The following AHNAK variants were observed in gnomAD, a reference collection of about 807,000 sequenced individuals.
The protein encoded by AHNAK is neuroblast differentiation-associated protein AHNAK.
A neutral mutation model predicts 37.8 loss-of-function variants in AHNAK; 23 were observed. The ratio of observed to expected loss-of-function variants is 0.61; its 90% CI spans 0.44 to 0.86. The LOEUF (loss-of-function observed/expected upper bound fraction) is 0.86. Ranked by LOEUF, AHNAK falls within the 40% of genes least tolerant of loss-of-function variation. The pLI is 0.00. For synonymous variants in AHNAK, 2,481 were observed against 2,636.3 expected, an observed-to-expected ratio of 0.94 and a Z score of 1.80; for missense variants, 7,411 against 7,319.4, an observed-to-expected ratio of 1.01 and a Z score of -0.46.
chr11:62,539,146 C>G (rs949013238), intron 1 of AHNAK, among the ~76,000 whole-genome samples: 1 of 152,216 alleles, frequency 6.6e-6, no homozygotes, highest in Admixed American at 6.5e-5. Flanking sequence ...CACTCTGACC[C>G]TTCCCAGCAA....
Position 62,527,220 on chromosome 11 carries a change from C to T in AHNAK, c.7197G>A (p.Lys2399=). 1 of 1,612,916 alleles carries T rather than the reference C, an allele frequency of 6.2e-7. No homozygotes were observed. Among genetic ancestry groups the T allele is most frequent in the Non-Finnish European group, 8.5e-7 (1 of 1,179,562 alleles). The part of the protein sequence containing the change: ...PDLDLHLKSP[K]AKGEVDVDVP... ...CATCTACATCCACCTCTCCTTTTGC[C>T]TTGGGGCTCTTCAAGTGTAGATCGA... The change falls in exon 5 of 5, where the codon AAG becomes AAA. Residue 2399 remains lysine (K), a synonymous_variant. Coordinates refer to ENST00000378024, the MANE Select transcript of AHNAK (RefSeq NM_001620.3).
chr11:62,434,478 C>T (rs1169164192), intron 5 of AHNAK, among the ~76,000 whole-genome samples: 1 of 152,132 alleles, frequency 6.6e-6, no homozygotes, highest in Non-Finnish European at 1.5e-5. Flanking sequence ...ACACCCAACT[C>T]ATCCCCATCG....
In AHNAK at chr11:62,522,536, G is replaced by C; in HGVS notation, c.11881C>G (p.Leu3961Val). 1 of 1,612,802 alleles carries C rather than the reference G, an allele frequency of 6.2e-7. No homozygotes were observed. The highest frequency in any genetic ancestry group is 8.5e-7 in the Non-Finnish European group (1 of 1,179,710). The change falls in exon 5 of 5, where the codon CTT (leucine) becomes GTT (valine). Residue 3961 changes from leucine to valine, a missense_variant. By Grantham distance (32) the Leu-to-Val change is conservative (BLOSUM62 1). Transcript: ENST00000378024. The stretch of plus-strand genomic sequence containing the variant: ...TCCACCTTGGGTCCTGAGACGTCAA[G>C]GTCAGCCTTGGGCAGGTTCACATCC... The part of the protein sequence containing the change: ...EVDVNLPKAD[L>V]DVSGPKVDVD...
intron 5 of AHNAK, among the ~76,000 whole-genome samples, chr11:62,450,841 G>A (rs1438029185): frequency 6.6e-6 from 1 of 152,276 alleles, no homozygotes; most frequent in African/African-American, 2.4e-5. Flanking sequence ...AATAGGTGCT[G>A]ATGGCAGAAA....
chr11:62,518,203 T>C lies in AHNAK; in HGVS notation c.16214A>G (p.Lys5405Arg). Residue 5405 changes from lysine (K) to arginine (R), a missense_variant, in exon 5 of 5, where the codon AAA (lysine) becomes AGA (arginine). By Grantham distance (26) the Lys-to-Arg change is conservative. Transcript: ENST00000378024. ...EASEGSIKLP[K>R]MKLPQFGIST... ...GATGCCAAATTGGGGCAGCTTCATT[T>C]TGGGAAGTTTAATGCTGCCTTCGGA... is the stretch of plus-strand genomic sequence containing the variant. 1 of 1,614,074 alleles carries C rather than the reference T, an allele frequency of 6.2e-7. No individual in the cohort carries two copies. The highest frequency in any genetic ancestry group is 1.1e-5 in the South Asian group (1 of 91,070).
Position 62,521,501 on chromosome 11 carries a change from C to A in AHNAK, c.12916G>T (p.Asp4306Tyr), listed in dbSNP as rs1471084992. The A allele has an allele frequency of 6.2e-7, 1 of 1,610,530 alleles. No individual in the cohort carries two copies. Among genetic ancestry groups the A allele is most frequent in the East Asian group, 2.2e-5 (1 of 44,644 alleles). Reference protein sequence around the residue: ...PKVDIDAPDVDVHGPDWHLKM... With the variant: ...PKVDIDAPDVYVHGPDWHLKM... ...AGGTGCCAGTCTGGGCCATGAACAT[C>A]TACATCAGGGGCATCGATGTCCACT... Residue 4306 changes from aspartate to tyrosine, a missense_variant, in exon 5 of 5, where the codon GAT becomes TAT. Coordinates refer to ENST00000378024, the MANE Select transcript of AHNAK (RefSeq NM_001620.3).
chr11:62,477,981 A>G (rs1225492236), intron 5 of AHNAK, among the ~76,000 whole-genome samples: 1 of 152,028 alleles, frequency 6.6e-6, no homozygotes, highest in African/African-American at 2.4e-5. Context: ...CATTTGAGGA[A>G]GCGAAAGAAG....
chr11:62,542,827 G>A (rs555812321), intron 1 of AHNAK, among the ~76,000 whole-genome samples: 5 of 152,324 alleles, frequency 3.3e-5, no homozygotes, highest in African/African-American at 1.2e-4. Context: ...TATAGGAGAG[G>A]GGGTGGAGCA....
In AHNAK at chr11:62,526,252, T is replaced by A. The variant is rs768789576; in HGVS notation, c.8165A>T (p.Lys2722Met). Residue 2722 changes from lysine to methionine, a missense_variant, in exon 5 of 5, where the codon AAG (lysine) becomes ATG (methionine). Transcript: ENST00000378024. ...IDLNLKGPKVKGDVDVSLPKV... is the reference protein window; with the variant it reads ...IDLNLKGPKVMGDVDVSLPKV... ...AGGAAGGGAAACATCCACATCACCC[T>A]TCACTTTGGGTCCTTTCAGGTTTAA... is the stretch of plus-strand genomic sequence containing the variant. The A allele has an allele frequency of 1.2e-6, 2 of 1,613,822 alleles. No homozygotes were observed. Among genetic ancestry groups the A allele is most frequent in the East Asian group, 2.2e-5 (1 of 44,860 alleles).
At chr11:62,467,451 G>A (rs750229016) in intron 5 of AHNAK, among the ~76,000 whole-genome samples, 3 of 152,128 alleles carry the variant, frequency 2.0e-5, no homozygotes, top group Admixed American at 2.0e-4. Context: ...TTGGGAGGCC[G>A]AGGCAGACGG....
chr11:62,489,544 C>T (rs1017191198), intron 5 of AHNAK, among the ~76,000 whole-genome samples: 5 of 152,040 alleles, frequency 3.3e-5, no homozygotes, highest in Non-Finnish European at 7.4e-5. Flanking sequence ...AGTTAGGAGG[C>T]GATTGTAGCA....
rs536851663 is a variant in AHNAK at position 62,478,100 on chromosome 11, G to A, written c.442+13632C>T. ...CGCAGGACTCAGTGCTATCTTAAGA[G>A]CAGAGCCCCTGGCCTCCCATCTCCT... On this transcript the variant is annotated intron_variant, in intron 5 of 5. Coordinates refer to the AHNAK transcript ENST00000257247. 3.3e-5 allele frequency among the ~76,000 whole-genome samples: 5 copies of A among 152,284 alleles called. No homozygotes were observed. In the East Asian group the frequency reaches 7.7e-4, roughly 24 times the overall value.
chr11:62,527,587 G>A lies in AHNAK; in HGVS notation c.6830C>T (p.Pro2277Leu). 2.5e-6 allele frequency: 4 copies of A among 1,613,402 alleles called. No individual in the cohort carries two copies. The highest frequency in any genetic ancestry group is 3.4e-6 in the Non-Finnish European group (4 of 1,179,910). Residue 2277 changes from proline (P) to leucine (L), a missense_variant, in exon 5 of 5, where the codon CCC (proline) becomes CTC (leucine). Transcript: ENST00000378024. ...LPKADVDVSG[P>L]KVDVEVPDVS... ...ATCTGGGACTTCAACATCCACCTTG[G>A]GTCCTGAGACATCAACGTCAGCCTT...
chr11:62,536,376 T>G (rs1419263491), intron 2 of AHNAK, 93 bp downstream of exon 2: 3 of 352,044 alleles, frequency 8.5e-6, no homozygotes, highest in Non-Finnish European at 1.0e-5. Flanking sequence ...CCTTCATCCC[T>G]GTCCCCCACG....
At chr11:62,479,251 T>G (rs1402131436) in intron 5 of AHNAK, among the ~76,000 whole-genome samples, 1 of 137,832 alleles carries the variant, frequency 7.3e-6, no homozygotes, top group Non-Finnish European at 1.5e-5. Context: ...CACTGCAACC[T>G]CTGCCTCCCA....
In AHNAK at chr11:62,520,348, A is replaced by G; in HGVS notation, c.14069T>C (p.Val4690Ala). ...TTCGATATTCACATCAGGAACATCA[A>G]CGTCCACTTTGGGTCCTGAGACATC... The part of the protein sequence containing the change: ...DIDVSGPKVD[V>A]DVPDVNIEGP... The change falls in exon 5 of 5, where the codon GTT (valine) becomes GCT (alanine). Residue 4690 changes from valine (V) to alanine (A), a missense_variant. Transcript: ENST00000378024. 1 of 1,613,060 alleles carries G rather than the reference A, an allele frequency of 6.2e-7. No individual in the cohort carries two copies. Among genetic ancestry groups the G allele is most frequent in the Non-Finnish European group, 8.5e-7 (1 of 1,179,818 alleles).
chr11:62,453,299 T>C (rs1201455578), intron 5 of AHNAK, among the ~76,000 whole-genome samples: 1 of 146,070 alleles, frequency 6.8e-6, no homozygotes, highest in Non-Finnish European at 1.5e-5. Context: ...GCTTCCCTGA[T>C]GACGACTTCA....
At position 62,522,383 on chromosome 11, in the gene AHNAK, C is replaced by T; in HGVS notation, c.12034G>A (p.Gly4012Ser). ...SMPDFDLHLK[G>S]PKVKGDVDVS... ...TCCACATCTCCTTTCACCTTAGGGC[C>T]TTTCAGATGCAAATCAAAGTCAGGC... Residue 4012 changes from glycine (G) to serine (S), a missense_variant, in exon 5 of 5, where the codon GGC becomes AGC. Transcript: ENST00000378024. 1 of 1,614,114 alleles carries T rather than the reference C, an allele frequency of 6.2e-7. No homozygotes were observed. The highest frequency in any genetic ancestry group is 1.1e-5 in the South Asian group (1 of 91,080).
At chr11:62,497,825 G>T (rs148841980) in intron 4 of AHNAK, among the ~76,000 whole-genome samples, 1 of 152,078 alleles carries the variant, frequency 6.6e-6, no homozygotes, top group South Asian at 2.1e-4. Flanking sequence ...TTTGCCAGGC[G>T]TGGTGGCACG....
Sources: allele counts gnomAD v4.1 joint callset (sites outside exome capture counted in the v4.1 genomes callset), GRCh38; gene constraint gnomAD v4.1.1; transcripts MANE v1.5; gene names NCBI Gene and HGNC (gene_info 2026-07-23, HGNC 2026-07-21).